Variants in SPOCK3 observed in about 807,000 individuals in gnomAD.
SPOCK3 encodes the protein SPARC (osteonectin), cwcv and kazal like domains proteoglycan 3.
Under a neutral mutation model 56.6 loss-of-function variants are expected in SPOCK3, and 30 were observed. The observed-to-expected ratio is 0.53, with a 90% confidence interval of 0.40 to 0.72. The LOEUF (loss-of-function observed/expected upper bound fraction) is 0.72. SPOCK3 is among the 30% of genes least tolerant of loss of function. The pLI is 0.00. For synonymous variants in SPOCK3, 196 were observed against 183.3 expected, an observed-to-expected ratio of 1.07 and a Z score of -0.56; for missense variants, 527 against 530.0, an observed-to-expected ratio of 0.99 and a Z score of 0.06.
At chr4:166,878,077 A>G (rs986895581) in intron 6 of SPOCK3, among the ~76,000 whole-genome samples, 1 of 152,092 alleles carries the variant, frequency 6.6e-6, no homozygotes, top group African/African-American at 2.4e-5. Flanking sequence ...AGGAGTCGAG[A>G]CCAGCCTGGC....
chr4:166,965,875 A>G (rs2150065261), intron 4 of SPOCK3, among the ~76,000 whole-genome samples: 1 of 152,220 alleles, frequency 6.6e-6, no homozygotes, highest in South Asian at 2.1e-4. Context: ...TATTGTTTAC[A>G]TTAATATTCA....
rs77568150 is a variant in SPOCK3, at chr4:167,099,562, G to T, written c.190-37025C>A. 4.5e-3 allele frequency among the ~76,000 whole-genome samples: 689 copies of T among 152,114 alleles called. 1 individual carries two copies. Among genetic ancestry groups the T allele is most frequent in the South Asian group, 0.014 (66 of 4,826 alleles). On this transcript the variant is annotated intron_variant, in intron 2 of 10. Coordinates refer to ENST00000357545, the MANE Select transcript of SPOCK3 (RefSeq NM_001040159.2). The stretch of plus-strand genomic sequence containing the variant: ...AATTTCTGTAAAGGCTCAGAAATTG[G>T]TGGCATATACCCAAAGCTATACTTT...
chr4:166,753,012 C>T (rs1262735010), intron 8 of SPOCK3, among the ~76,000 whole-genome samples: 1 of 151,746 alleles, frequency 6.6e-6, no homozygotes, highest in African/African-American at 2.4e-5. Context: ...TTAAATGAAA[C>T]ATAGATAACA....
chr4:166,906,331 C>T (rs115850640), intron 5 of SPOCK3, among the ~76,000 whole-genome samples: 1,687 of 152,030 alleles, frequency 0.011, 40 homozygotes, highest in African/African-American at 0.038. Flanking sequence ...ACTGGTTGGC[C>T]ACTTTTTTAA....
intron 3 of SPOCK3, among the ~76,000 whole-genome samples, chr4:167,040,553 A>G (rs984212537): frequency 1.3e-5 from 2 of 152,214 alleles, no homozygotes; most frequent in African/African-American, 4.8e-5. Context: ...TATGTATGGT[A>G]ACAATGTGCT....
chr4:166,789,151 C>T (rs960893049), intron 7 of SPOCK3, among the ~76,000 whole-genome samples: 1 of 151,966 alleles, frequency 6.6e-6, no homozygotes, highest in Non-Finnish European at 1.5e-5. Context: ...AAAAACTTGC[C>T]GGGTGCGGTG....
At chr4:166,744,343 G>T (rs1312388465) in intron 8 of SPOCK3, among the ~76,000 whole-genome samples, 1 of 152,206 alleles carries the variant, frequency 6.6e-6, no homozygotes. Context: ...AGGCAAACAG[G>T]GTCTGGAGTG....
chr4:166,906,480 C>CAAAAA (rs1192154863), intron 5 of SPOCK3, among the ~76,000 whole-genome samples: 2 of 66,134 alleles, frequency 3.0e-5, no homozygotes, highest in Admixed American at 3.2e-4. Flanking sequence ...TGGTTGGCTA[C>CAAAAA]ATAAAAAAAA....
intron 4 of SPOCK3, among the ~76,000 whole-genome samples, chr4:166,934,302 A>C (rs60717741): frequency 0.037 from 5,544 of 150,616 alleles, 325 homozygotes; most frequent in African/African-American, 0.13. Context: ...ATCCTGGCTA[A>C]CACGGTGAAA....
chr4:167,094,500 A>G (rs756908487), intron 2 of SPOCK3, among the ~76,000 whole-genome samples: 11 of 152,082 alleles, frequency 7.2e-5, no homozygotes, highest in Non-Finnish European at 1.3e-4. Context: ...CCCATATCAA[A>G]AAGTAAAGAG....
chr4:167,052,081 C>A (rs918290504), intron 3 of SPOCK3, among the ~76,000 whole-genome samples: 1 of 152,070 alleles, frequency 6.6e-6, no homozygotes. Context: ...AAAACACAGA[C>A]CTTTACACAG....
chr4:166,858,237 T>G (rs993193755), intron 6 of SPOCK3, among the ~76,000 whole-genome samples: 6 of 152,168 alleles, frequency 3.9e-5, no homozygotes, highest in Non-Finnish European at 8.8e-5. Flanking sequence ...ATAATTCTAC[T>G]GAGAATTTGG....
chr4:167,138,322 T>C (rs998708240), intron 2 of SPOCK3, among the ~76,000 whole-genome samples: 4 of 151,926 alleles, frequency 2.6e-5, no homozygotes, highest in African/African-American at 7.2e-5. Flanking sequence ...TTTAGTCCTA[T>C]TTACTGAATT....
rs1199637070 is a variant in SPOCK3 at position 166,840,771 on chromosome 4, G to GTGTTTT, written c.589+48358_589+48359insAAAACA. 3.4e-4 allele frequency among the ~76,000 whole-genome samples: 23 copies of GTGTTTT among 68,176 alleles called. No individual in the cohort carries two copies. The East Asian group carries it at 5.6e-3, about 17-fold the overall frequency. 44.7% of individuals were successfully genotyped at this position (68,176 alleles called of 152,430 possible). ...CTAATTCATCTTCCCAGAAGCAAAA[G>GTGTTTT]TTTTTTTTTTTTTTTTTTTTTTTTT... On this transcript the variant is annotated intron_variant, in intron 6 of 10. Coordinates refer to ENST00000357545, the MANE Select transcript of SPOCK3 (RefSeq NM_001040159.2).
intron 2 of SPOCK3, among the ~76,000 whole-genome samples, chr4:167,186,873 A>G (rs1042291066): frequency 1.3e-5 from 2 of 149,514 alleles, no homozygotes; most frequent in Non-Finnish European, 3.0e-5. Flanking sequence ...CCTGCTTGGG[A>G]GGCTGAGGCA....
chr4:167,019,181 A>G (rs944558661), intron 3 of SPOCK3, among the ~76,000 whole-genome samples: 20 of 152,164 alleles, frequency 1.3e-4, no homozygotes, highest in Non-Finnish European at 2.6e-4. Context: ...ATCTCTTTGC[A>G]CTATCCAACT....
At chr4:167,031,074 A>G (rs1752234532) in intron 3 of SPOCK3, among the ~76,000 whole-genome samples, 1 of 152,062 alleles carries the variant, frequency 6.6e-6, no homozygotes, top group Non-Finnish European at 1.5e-5. Context: ...AAAAGTTAAA[A>G]TTTGGATTTA....
At chr4:167,223,846 G>A (rs998595100) in intron 2 of SPOCK3, among the ~76,000 whole-genome samples, 1 of 152,006 alleles carries the variant, frequency 6.6e-6, no homozygotes, top group Admixed American at 6.6e-5. Flanking sequence ...GTATTAAAGT[G>A]CTTGTTATTA....
At chr4:166,961,590 C>A (rs571213252) in intron 4 of SPOCK3, among the ~76,000 whole-genome samples, 2 of 151,422 alleles carry the variant, frequency 1.3e-5, no homozygotes, top group Non-Finnish European at 2.9e-5. Context: ...AGATATGATT[C>A]AAGCTTCTGG....
Sources: allele counts gnomAD v4.1 joint callset (sites outside exome capture counted in the v4.1 genomes callset), GRCh38; gene constraint gnomAD v4.1.1; transcripts MANE v1.5; gene names NCBI Gene and HGNC (gene_info 2026-07-23, HGNC 2026-07-21).